Variants in CEP128 observed in about 807,000 individuals in gnomAD.
CEP128 encodes the protein centrosomal protein 128.
Under a neutral mutation model 156.7 loss-of-function variants are expected in CEP128, and 132 were observed. The observed-to-expected ratio is 0.84, with a 90% CI of 0.73 to 0.97. CEP128 has a LOEUF of 0.97. CEP128 is among the 50% of genes least tolerant of loss of function. The pLI is 0.00. For synonymous variants in CEP128, 469 were observed against 448.9 expected (o/e 1.04, Z -0.57); for missense variants, 1,252 against 1,281.9 (o/e 0.98, Z 0.36).
chr14:80,884,127 A>G (rs1025686872), intron 8 of CEP128, among the ~76,000 whole-genome samples: 8 of 152,192 alleles, frequency 5.3e-5, no homozygotes, highest in Non-Finnish European at 1.2e-4. Flanking sequence ...ACTATTACAA[A>G]GAAACACTGG....
At chr14:80,812,240 A>C (rs1233507920) in intron 13 of CEP128, among the ~76,000 whole-genome samples, 6 of 152,140 alleles carry the variant, frequency 3.9e-5, no homozygotes, top group Non-Finnish European at 7.4e-5. Flanking sequence ...TGATTTCATT[A>C]GTTTTATGGC....
At chr14:80,563,057 A>T (rs2140382076) in intron 20 of CEP128, among the ~76,000 whole-genome samples, 1 of 152,310 alleles carries the variant, frequency 6.6e-6, no homozygotes, top group African/African-American at 2.4e-5. Flanking sequence ...AAAATAAATT[A>T]TATCTCCATA....
intron 19 of CEP128, among the ~76,000 whole-genome samples, chr14:80,699,562 C>A (rs953374144): frequency 6.6e-6 from 1 of 152,102 alleles, no homozygotes; most frequent in Admixed American, 6.6e-5. Context: ...TTAGTATATG[C>A]CACCATTTAA....
chr14:80,688,767 C>T (rs932909715), intron 19 of CEP128, among the ~76,000 whole-genome samples: 1 of 152,150 alleles, frequency 6.6e-6, no homozygotes, highest in African/African-American at 2.4e-5. Flanking sequence ...TCTTTGCTTG[C>T]CTCATAGCGC....
intron 17 of CEP128, 38 bp downstream of exon 17, chr14:80,761,399 A>G: frequency 7.1e-7 from 1 of 1,414,704 alleles, no homozygotes; most frequent in Non-Finnish European, 9.7e-7. Context: ...TTAGGAAACT[A>G]ACTGAAAATA....
intron 8 of CEP128, among the ~76,000 whole-genome samples, chr14:80,890,403 A>G (rs1005771036): frequency 1.3e-5 from 2 of 152,200 alleles, no homozygotes; most frequent in Non-Finnish European, 2.9e-5. Context: ...TAGACTGGAT[A>G]AAGAAAATGT....
Position 80,528,009 on chromosome 14 carries a change from T to TA in CEP128, c.2959-1028dup, listed in dbSNP as rs150743610. On this transcript the variant is annotated intron_variant, in intron 22 of 24. Transcript: ENST00000555265. ...AATGAGGACAACTGATTTTGGTATGTAAAAAAAAACACGTACGGATTTAGT... is the reference window on the plus strand; with the variant it reads ...AATGAGGACAACTGATTTTGGTATGTAAAAAAAAAACACGTACGGATTTAGT... Among the ~76,000 whole-genome samples the TA allele has an allele frequency of 1.3e-4, 20 of 150,934 alleles. No individual in the cohort carries two copies. The South Asian group carries it at 1.9e-3, about 14-fold the overall frequency.
chr14:80,502,096 A>C (rs1278603240), intron 24 of CEP128, among the ~76,000 whole-genome samples: 2 of 152,198 alleles, frequency 1.3e-5, no homozygotes, highest in Non-Finnish European at 2.9e-5. Flanking sequence ...CTCTGGGCAC[A>C]CTGCCTATGG....
chr14:80,495,063 T>C (rs879274854), downstream of CEP128, among the ~76,000 whole-genome samples: 17 of 152,118 alleles, frequency 1.1e-4, no homozygotes, highest in African/African-American at 4.1e-4. Context: ...AGAATCAAAA[T>C]TATTAAACCA....
At chr14:80,914,760 G>A (rs55634365) in intron 3 of CEP128, among the ~76,000 whole-genome samples, 14,982 of 152,120 alleles carry the variant, frequency 0.098, 1,231 homozygotes, top group East Asian at 0.43. Flanking sequence ...TTCTGAAAGA[G>A]CAAATCTAGT....
chr14:80,954,818 A>G (rs1886568822), intron 2 of CEP128, among the ~76,000 whole-genome samples: 1 of 152,262 alleles, frequency 6.6e-6, no homozygotes, highest in Non-Finnish European at 1.5e-5. Context: ...TCCAGGGGGA[A>G]TATGACTCAA....
chr14:80,838,327 T>C (rs774907194), intron 10 of CEP128, 49 bp from the exon 11 acceptor site: 3 of 1,329,652 alleles, frequency 2.3e-6, no homozygotes, highest in South Asian at 2.4e-5. Flanking sequence ...GAGCAGAAGA[T>C]AACTAAATTA....
chr14:80,506,827 T>A (rs1232966443), intron 23 of CEP128, among the ~76,000 whole-genome samples: 1 of 152,162 alleles, frequency 6.6e-6, no homozygotes, highest in African/African-American at 2.4e-5. Context: ...TCATTAGCTT[T>A]CATGTTCCAA....
At chr14:80,809,826 C>T (rs1306791063) in intron 13 of CEP128, among the ~76,000 whole-genome samples, 2 of 151,998 alleles carry the variant, frequency 1.3e-5, no homozygotes. Flanking sequence ...CACTACACCA[C>T]TATTGCAAGA....
At chr14:80,584,840 G>C (rs565229511) in intron 19 of CEP128, among the ~76,000 whole-genome samples, 2 of 152,238 alleles carry the variant, frequency 1.3e-5, no homozygotes, top group African/African-American at 4.8e-5. Context: ...TATCAGCATT[G>C]AAAGAGCTGA....
At chr14:80,536,944 CTTG>C (rs972081164) in intron 21 of CEP128, among the ~76,000 whole-genome samples, 26 of 152,276 alleles carry the variant, frequency 1.7e-4, no homozygotes, top group African/African-American at 6.0e-4. Context: ...AGTAAAAATG[CTTG>C]TTAAGTTAAC....
At chr14:80,896,159 G>A (rs1202502990) in intron 7 of CEP128, among the ~76,000 whole-genome samples, 1 of 152,128 alleles carries the variant, frequency 6.6e-6, no homozygotes, top group Non-Finnish European at 1.5e-5. Context: ...AGAAAAAAGA[G>A]AGAAAGGGAC....
intron 6 of CEP128, among the ~76,000 whole-genome samples, chr14:80,902,472 G>A (rs1566704673): frequency 6.6e-6 from 1 of 152,160 alleles, no homozygotes; most frequent in Admixed American, 6.5e-5. Context: ...GCAGTAACAA[G>A]TGACAGCTAC....
rs563365307 is a variant in CEP128 at position 80,527,192 on chromosome 14, G to A, written c.2959-210C>T. 5 of 551,630 alleles carry A rather than the reference G, an allele frequency of 9.1e-6. No homozygotes were observed. The East Asian group carries it at 1.9e-4, about 21-fold the overall frequency. The allele number at this position is 551,630 out of a possible 1,614,324, so 34.2% of individuals were successfully genotyped here. A position where few individuals can be genotyped will look rare whatever the true frequency, so the allele number is the denominator to read the frequency against. ...ACCTGTAATCCCAGCACTTTAGGAG[G>A]CCAAGGTGGGAGGATAGCTCTAGTC... On this transcript the variant is annotated intron_variant, in intron 22 of 24. Coordinates refer to ENST00000555265, the MANE Select transcript of CEP128 (RefSeq NM_152446.5).
Sources: gnomAD v4.1 joint callset for allele counts (sites outside exome capture counted in the v4.1 genomes callset) on GRCh38, gnomAD v4.1.1 for gene constraint, MANE v1.5 for transcripts, NCBI Gene and HGNC (gene_info 2026-07-23, HGNC 2026-07-21) for gene names.